The following GGA2 variants were observed in gnomAD, a reference collection of about 807,000 sequenced individuals.
The protein encoded by GGA2 is ADP-ribosylation factor-binding protein GGA2.
Under a neutral mutation model 79.5 loss-of-function variants are expected in GGA2, and 48 were observed. The observed-to-expected ratio is 0.60, with a 90% CI of 0.48 to 0.77. The LOEUF (loss-of-function observed/expected upper bound fraction) is 0.77. Ranked by LOEUF, GGA2 falls within the 30% of genes least tolerant of loss-of-function variation. GGA2 has a pLI of 0.00. For synonymous variants in GGA2, 317 were observed against 302.0 expected (o/e 1.05, Z -0.51); for missense variants, 770 against 774.0 (o/e 0.99, Z 0.06).
intron 5 of GGA2, among the ~76,000 whole-genome samples, chr16:23,489,661 A>G (rs1437766496): frequency 1.3e-5 from 2 of 152,254 alleles, no homozygotes; most frequent in Non-Finnish European, 2.9e-5. Flanking sequence ...GTAACAACTA[A>G]GCTAGAATTA....
chr16:23,510,590 A>G (rs1965035111), upstream of GGA2: 1 of 383,968 alleles, frequency 2.6e-6, no homozygotes, highest in Non-Finnish European at 4.6e-6. Context: ...AACATTTCTT[A>G]GTCCAGATCC....
In GGA2 at chr16:23,466,115, A is replaced by G. The variant is rs138408688; in HGVS notation, c.*1475T>C. On this transcript the variant is annotated 3_prime_UTR_variant, in exon 17 of 17. Coordinates refer to ENST00000309859, the MANE Select transcript of GGA2 (RefSeq NM_015044.4). Reference sequence around the variant, plus strand: ...TTTACAGTTCCCATCTCCACCAATTAGTATTGGCAGATTTCCACTATATGT... The same window carrying G: ...TTTACAGTTCCCATCTCCACCAATTGGTATTGGCAGATTTCCACTATATGT... The G allele has an allele frequency of 6.6e-6, 1 of 152,332 alleles. No homozygotes were observed. Among genetic ancestry groups the G allele is most frequent in the African/African-American group, 2.4e-5 (1 of 41,572 alleles). 9.4% of individuals were successfully genotyped at this position (152,332 alleles called of 1,614,324 possible).
Position 23,475,012 on chromosome 16 carries a change from T to A in GGA2, c.1342A>T (p.Lys448Ter). The A allele has an allele frequency of 6.2e-7, 1 of 1,606,756 alleles. No homozygotes were observed. The highest frequency in any genetic ancestry group is 8.5e-7 in the Non-Finnish European group (1 of 1,176,446). ...TCCCAGGACCAACCTGGAGAGGACTTAGTACCTGGTGGCACTTCCTTGGGG... is the reference window on the plus strand; with the variant it reads ...TCCCAGGACCAACCTGGAGAGGACTAAGTACCTGGTGGCACTTCCTTGGGG... ...SVPKEVPPGT[K>*]SSPGWSWEAG... Residue 448 changes from lysine (K) to a stop codon, truncating the protein, a stop_gained, in exon 14 of 17, where the codon AAG becomes TAG. Transcript: ENST00000309859. LOFTEE classifies it high-confidence loss of function.
In GGA2 at chr16:23,493,359, C is replaced by T; in HGVS notation, c.351+1G>A. On this transcript the variant is annotated splice_donor_variant, in intron 4 of 16. Transcript: ENST00000309859. LOFTEE classifies it high-confidence loss of function. ...CAGCAGAGCCAAGCCCAGGTACTCA[C>T]CTTTGGGGACAACACTTTGATCAGT... 6.4e-7 allele frequency: 1 copy of T among 1,569,992 alleles called. No individual in the cohort carries two copies. The highest frequency in any genetic ancestry group is 8.8e-7 in the Non-Finnish European group (1 of 1,139,652).
chr16:23,510,557 C>A (rs537335076), upstream of GGA2: 54 of 389,714 alleles, frequency 1.4e-4, no homozygotes, highest in African/African-American at 1.0e-3. Context: ...CCCCAGGCCC[C>A]CCCTCCACGC....
Position 23,464,263 on chromosome 16 carries a change from G to A in GGA2, c.*3327C>T, listed in dbSNP as rs1380958953. The A allele has an allele frequency of 6.6e-6, 1 of 152,166 alleles. No individual in the cohort carries two copies. Among genetic ancestry groups the A allele is most frequent in the African/African-American group, 2.4e-5 (1 of 41,436 alleles). The allele number at this position is 152,166 out of a possible 1,614,324, so 9.4% of individuals were successfully genotyped here. ...CATTTTTGCCCAGTCTTAAGTTCATGGAAGATAATAGGAAGAGTAATTAAC... is the reference window on the plus strand; with the variant it reads ...CATTTTTGCCCAGTCTTAAGTTCATAGAAGATAATAGGAAGAGTAATTAAC... On this transcript the variant is annotated 3_prime_UTR_variant, in exon 17 of 17. Transcript: ENST00000309859.
chr16:23,477,495 G>A (rs1964589717), intron 13 of GGA2, among the ~76,000 whole-genome samples: 1 of 152,166 alleles, frequency 6.6e-6, no homozygotes, highest in African/African-American at 2.4e-5. Context: ...TGTAATCCCA[G>A]CACTTTGGGA....
Position 23,482,940 on chromosome 16 carries a change from T to C in GGA2, c.863A>G (p.Asp288Gly), listed in dbSNP as rs756447749. The C allele has an allele frequency of 4.6e-5, 74 of 1,607,512 alleles. No homozygotes were observed. In the Admixed American group the frequency reaches 1.2e-3, roughly 25 times the overall value. Residue 288 changes from aspartate to glycine, a missense_variant, in exon 9 of 17, where the codon GAT (aspartate) becomes GGT (glycine). By Grantham distance (94) the Asp-to-Gly change is moderately conservative. Transcript: ENST00000309859. ...TLFRLASDTT[D>G]DDDALAEILQ... ...AAACTTACCGAGTGCATCATCGTCA[T>C]CAGTGGTGTCACTCGCCAACCGGAA...
Position 23,467,618 on chromosome 16 carries a change from G to C in GGA2, c.1814C>G (p.Pro605Arg). 6.3e-7 allele frequency: 1 copy of C among 1,596,396 alleles called. No homozygotes were observed. The highest frequency in any genetic ancestry group is 2.2e-5 in the East Asian group (1 of 44,798). ...GGCTGCGCCCAAGACAGCCAGGTCTGGGAAGTCTTTCACTTCTCCTACTTC... is the reference window on the plus strand; with the variant it reads ...GGCTGCGCCCAAGACAGCCAGGTCTCGGAAGTCTTTCACTTCTCCTACTTC... ...FSEVGEVKDFPDLAVLGAA is the reference protein window; with the variant it reads ...FSEVGEVKDFRDLAVLGAA The change falls in exon 17 of 17, where the codon CCA becomes CGA. Residue 605 changes from proline to arginine, a missense_variant. Pro to Arg is a moderately radical substitution (Grantham distance 103). Coordinates refer to ENST00000309859, the MANE Select transcript of GGA2 (RefSeq NM_015044.4).
At chr16:23,517,807 G>A (rs954659331) in intron 2 of GGA2, among the ~76,000 whole-genome samples, 1 of 152,060 alleles carries the variant, frequency 6.6e-6, no homozygotes, top group Non-Finnish European at 1.5e-5. Flanking sequence ...CACTGTGTTA[G>A]CCAGGATGGT....
intron 1 of GGA2, among the ~76,000 whole-genome samples, chr16:23,496,639 G>A (rs956233245): frequency 6.6e-6 from 1 of 152,026 alleles, no homozygotes; most frequent in Non-Finnish European, 1.5e-5. Flanking sequence ...GGCAACATGG[G>A]GAAATCACAT....
chr16:23,489,474 C>T (rs1378187316), intron 5 of GGA2, among the ~76,000 whole-genome samples: 1 of 152,152 alleles, frequency 6.6e-6, no homozygotes, highest in Non-Finnish European at 1.5e-5. Flanking sequence ...CTCCTGGCCT[C>T]AAGTGATTCC....
chr16:23,511,112 T>C (rs1387817932), upstream of GGA2, among the ~76,000 whole-genome samples: 2 of 152,058 alleles, frequency 1.3e-5, no homozygotes, highest in African/African-American at 4.8e-5. Flanking sequence ...CAAGATCCTC[T>C]TACCTCGACT....
intron 11 of GGA2, 178 bp from the exon 12 acceptor site, chr16:23,479,089 C>A: frequency 3.2e-6 from 2 of 631,878 alleles, no homozygotes; most frequent in Non-Finnish European, 5.8e-6. Context: ...GGGGGACCCT[C>A]TGAACTGCCC....
At chr16:23,469,659 G>C (rs1312111390) in intron 15 of GGA2, 1 of 168,996 alleles carries the variant, frequency 5.9e-6, no homozygotes, top group Admixed American at 6.2e-5. Flanking sequence ...TGCCCGGTGA[G>C]AGTTTCTGAG....
chr16:23,488,843 A>C, intron 5 of GGA2, 134 bp from the exon 6 acceptor site: 1 of 609,390 alleles, frequency 1.6e-6, no homozygotes, highest in African/African-American at 1.9e-5. Flanking sequence ...CTTCAAAGAC[A>C]ACACCCAGTG....
At chr16:23,514,400 G>A (rs1965091692), upstream of GGA2, among the ~76,000 whole-genome samples, 1 of 151,904 alleles carries the variant, frequency 6.6e-6, no homozygotes, top group Non-Finnish European at 1.5e-5. Flanking sequence ...AAGCCACTGT[G>A]CCCGGCCTGT....
chr16:23,481,103 G>C (rs1964642133), intron 9 of GGA2, among the ~76,000 whole-genome samples: 1 of 152,262 alleles, frequency 6.6e-6, no homozygotes, highest in Non-Finnish European at 1.5e-5. Context: ...TGCTGGCTCT[G>C]TGCAGTGGCT....
rs1964663966 is a variant in GGA2 at position 23,482,814 on chromosome 16, C to A, written c.880+109G>T. 6.7e-6 allele frequency: 5 copies of A among 743,698 alleles called. No individual in the cohort carries two copies. In the East Asian group the frequency reaches 1.0e-4, roughly 15 times the overall value. 46.1% of individuals were successfully genotyped at this position (743,698 alleles called of 1,614,324 possible). A position where few individuals can be genotyped will look rare whatever the true frequency, so the allele number is the denominator to read the frequency against. ...ACACCCTCCCCAAGCCCAAGCTCCA[C>A]GGAACCGAAAGTCCACTCTGTCTTG... On this transcript the variant is annotated intron_variant, in intron 9 of 16. Transcript: ENST00000309859.
Sources: allele counts gnomAD v4.1 joint callset (sites outside exome capture counted in the v4.1 genomes callset), GRCh38; gene constraint gnomAD v4.1.1; transcripts MANE v1.5; gene names NCBI Gene and HGNC (gene_info 2026-07-23, HGNC 2026-07-21).